ZNF469: variants seen among roughly 807,000 people sequenced by gnomAD.
The protein encoded by ZNF469 is zinc finger protein 469.
Under a neutral mutation model 1.0 loss-of-function variants are expected in ZNF469, and 1 was observed. The observed-to-expected ratio is 1.00, with a 90% CI of 0.35 to 4.73. The LOEUF (loss-of-function observed/expected upper bound fraction) is 4.73, where lower values mean the gene tolerates loss of function less well. ZNF469 is among the 30% of genes most tolerant of loss of function. The pLI, the probability that ZNF469 is intolerant of heterozygous loss-of-function variation, is 0.16. For missense variants in ZNF469, 6,100 were observed against 5,356.3 expected (o/e 1.14, Z -4.33); for synonymous variants, 2,703 against 2,363.4 (o/e 1.14, Z -4.17).
chr16:88,136,320 AAC>A, the ZNF469 span, among the ~76,000 whole-genome samples: 7 of 152,194 alleles, frequency 4.6e-5, no homozygotes, highest in East Asian at 7.7e-4. Flanking sequence ...TCCTTCTCAC[AAC>A]GCTGATTTTC....
chr16:88,259,672 T>G, the ZNF469 span, among the ~76,000 whole-genome samples: 3 of 152,088 alleles, frequency 2.0e-5, no homozygotes, highest in African/African-American at 4.8e-5. This position sits in a 1 kb window ranked among gnomAD's most constrained non-coding sequence, Gnocchi z 4.1. Flanking sequence ...CCTCCCAAGA[T>G]GCCTCTCCTC....
At chr16:88,386,474 C>T (rs1414361827) in intron 1 of ZNF469, among the ~76,000 whole-genome samples, 5 of 152,166 alleles carry the variant, frequency 3.3e-5, no homozygotes, top group Non-Finnish European at 7.3e-5. Flanking sequence ...GCTGCCCTCA[C>T]GCATCCTGCA....
the ZNF469 span, among the ~76,000 whole-genome samples, chr16:88,338,478 G>A: frequency 8.5e-5 from 13 of 152,150 alleles, no homozygotes; most frequent in African/African-American, 3.1e-4. Flanking sequence ...CGCCCCCAGG[G>A]TGTGTTTGCC....
chr16:88,301,957 G>A, the ZNF469 span, among the ~76,000 whole-genome samples: 1 of 152,162 alleles, frequency 6.6e-6, no homozygotes, highest in Non-Finnish European at 1.5e-5. Context: ...CCCAATCCTT[G>A]TTACATATAC....
the ZNF469 span, among the ~76,000 whole-genome samples, chr16:88,109,382 C>A: frequency 1.3e-5 from 2 of 152,262 alleles, no homozygotes; most frequent in Non-Finnish European, 2.9e-5. Flanking sequence ...TCCTCCCAGA[C>A]TCAGATCTGT....
rs1477662846 is a variant in ZNF469, at chr16:88,434,151, C to A, written c.6681C>A (p.Ser2227=). The A allele has an allele frequency of 6.5e-7, 1 of 1,550,310 alleles. No individual in the cohort carries two copies. ...GCAGCCCCCTGGAAGACCCTTCCTCCTGGCCTCCTGGCTCCGTCAGTGCTG... is the reference window on the plus strand; with the variant it reads ...GCAGCCCCCTGGAAGACCCTTCCTCATGGCCTCCTGGCTCCGTCAGTGCTG... ...GEGSPLEDPS[S]WPPGSVSAVT... The change falls in exon 3 of 3, where the codon TCC becomes TCA. Residue 2227 remains serine (S), a synonymous_variant. Coordinates refer to ENST00000565624, the MANE Select transcript of ZNF469 (RefSeq NM_001367624.2).
chr16:88,204,215 G>A, the ZNF469 span, among the ~76,000 whole-genome samples: 25 of 147,130 alleles, frequency 1.7e-4, 1 homozygote, highest in South Asian at 3.2e-3. Flanking sequence ...ATAGAGAAGC[G>A]GGAGGCGCCC....
the ZNF469 span, among the ~76,000 whole-genome samples, chr16:88,366,620 C>A: frequency 2.0e-4 from 9 of 45,498 alleles, no homozygotes; most frequent in African/African-American, 3.3e-4. Context: ...ACCATCATCA[C>A]CACTATCAGC....
At chr16:88,196,255 T>A in the ZNF469 span, among the ~76,000 whole-genome samples, 1 of 152,186 alleles carries the variant, frequency 6.6e-6, no homozygotes, top group Non-Finnish European at 1.5e-5. Context: ...CTAGCAGGCC[T>A]GGCCCAGAAC....
chr16:88,223,358 C>G, the ZNF469 span, among the ~76,000 whole-genome samples: 5 of 152,192 alleles, frequency 3.3e-5, no homozygotes, highest in East Asian at 1.9e-4. Context: ...CTTTTGCCTT[C>G]CCTCCCCAGA....
chr16:88,413,770 G>T (rs986723257), intron 1 of ZNF469, among the ~76,000 whole-genome samples: 3 of 152,224 alleles, frequency 2.0e-5, no homozygotes, highest in African/African-American at 7.2e-5. Context: ...CCAGCTCCTG[G>T]GCTCCGCGCC....
chr16:88,411,559 A>G (rs1430644222), intron 1 of ZNF469, among the ~76,000 whole-genome samples: 5 of 141,738 alleles, frequency 3.5e-5, no homozygotes, highest in Admixed American at 2.8e-4. Flanking sequence ...GCTCTCCCGC[A>G]TGGCTGCAGC....
the ZNF469 span, among the ~76,000 whole-genome samples, chr16:88,270,749 T>A: frequency 3.9e-5 from 6 of 152,246 alleles, no homozygotes; most frequent in African/African-American, 1.4e-4. Flanking sequence ...TCCTCCTCTC[T>A]GGGAAGGAAA....
In ZNF469 at chr16:88,432,353, C is replaced by G. The variant is rs750838324; in HGVS notation, c.4883C>G (p.Thr1628Arg). 3.9e-6 allele frequency: 6 copies of G among 1,548,620 alleles called. No homozygotes were observed. The East Asian group carries it at 7.3e-5, about 19-fold the overall frequency. ...HEDTFSAADL[T>R]RVGESTAHRE... The stretch of plus-strand genomic sequence containing the variant: ...GACACGTTCTCGGCAGCTGACCTCA[C>G]GCGCGTTGGAGAATCCACTGCACAT... Residue 1628 changes from threonine to arginine, a missense_variant, in exon 3 of 3, where the codon ACG becomes AGG. Coordinates refer to ENST00000565624, the MANE Select transcript of ZNF469 (RefSeq NM_001367624.2).
chr16:88,302,066 C>T, the ZNF469 span, among the ~76,000 whole-genome samples: 2 of 152,216 alleles, frequency 1.3e-5, no homozygotes, highest in African/African-American at 2.4e-5. Flanking sequence ...AGTTCGTTGC[C>T]AGGCAGCCCT....
chr16:88,118,045 C>T, the ZNF469 span, among the ~76,000 whole-genome samples: 1 of 152,246 alleles, frequency 6.6e-6, no homozygotes, highest in Non-Finnish European at 1.5e-5. Context: ...TGGATTCACA[C>T]CATTCCCCTG....
the ZNF469 span, chr16:88,234,715 C>G: frequency 6.6e-6 from 1 of 152,280 alleles, no homozygotes; most frequent in East Asian, 1.9e-4. Flanking sequence ...CGTCCCTGAA[C>G]CAAGGGGGCA....
the ZNF469 span, among the ~76,000 whole-genome samples, chr16:88,108,732 C>T: frequency 1.3e-5 from 2 of 152,198 alleles, no homozygotes; most frequent in Non-Finnish European, 2.9e-5. Flanking sequence ...TGGGGGGCCA[C>T]GCATGTGTTT....
the ZNF469 span, among the ~76,000 whole-genome samples, chr16:88,239,702 T>C: frequency 2.8e-4 from 2 of 7,116 alleles, 1 homozygote; most frequent in Non-Finnish European, 4.5e-4. Flanking sequence ...TATATATATA[T>C]ATATATATAT....
Sources: gnomAD v4.1 joint callset for allele counts (sites outside exome capture counted in the v4.1 genomes callset) on GRCh38, gnomAD v4.1.1 for gene constraint, Gnocchi (gnomAD v3.1) non-coding constraint, MANE v1.5 for transcripts, NCBI Gene and HGNC (gene_info 2026-07-23, HGNC 2026-07-21) for gene names.